The following LGSN variants were observed in gnomAD, a reference collection of about 807,000 sequenced individuals.
The protein encoded by LGSN is lengsin.
A neutral mutation model predicts 19.5 loss-of-function variants in LGSN; 21 were observed. The observed-to-expected ratio is 1.07, with a 90% CI of 0.76 to 1.55. The LOEUF (loss-of-function observed/expected upper bound fraction) is 1.55, where lower values mean the gene tolerates loss of function less well. Among genes scored for constraint, LGSN ranks in the 40% most tolerant of loss-of-function variants. LGSN has a pLI of 0.00. For synonymous variants in LGSN, 257 were observed against 215.6 expected (o/e 1.19, Z -1.68); for missense variants, 673 against 608.5 (o/e 1.11, Z -1.12).
At chr6:63,296,399 T>C (rs2127388710) in intron 1 of LGSN, among the ~76,000 whole-genome samples, 1 of 151,840 alleles carries the variant, frequency 6.6e-6, no homozygotes, top group Non-Finnish European at 1.5e-5. Context: ...TATAAAGCTT[T>C]ATTGTACATG....
At chr6:63,521,710 A>C in the LGSN span, 1 of 152,212 alleles carries the variant, frequency 6.6e-6, no homozygotes, top group East Asian at 1.9e-4. Flanking sequence ...ACTCATTAAC[A>C]GATAGACTTA....
At chr6:63,550,672 TG>T in the LGSN span, among the ~76,000 whole-genome samples, 2 of 152,170 alleles carry the variant, frequency 1.3e-5, no homozygotes, top group Non-Finnish European at 2.9e-5. Flanking sequence ...TTGCCCAGGC[TG>T]GAGTGCAGTG....
chr6:63,412,571 G>GAAAGAAAGAAAGAAAGAAAGA, the LGSN span, among the ~76,000 whole-genome samples: 1 of 62,818 alleles, frequency 1.6e-5, no homozygotes. Context: ...AGAAAGAAAG[G>GAAAGAAAGAAAGAAAGAAAGA]AAGGAAGGAA....
chr6:63,530,617 T>C, the LGSN span, among the ~76,000 whole-genome samples: 1 of 152,124 alleles, frequency 6.6e-6, no homozygotes, highest in Non-Finnish European at 1.5e-5. Flanking sequence ...ACTAGGGTCA[T>C]AGGGAATAAT....
the LGSN span, among the ~76,000 whole-genome samples, chr6:63,364,007 G>A: frequency 6.6e-6 from 1 of 152,152 alleles, no homozygotes; most frequent in African/African-American, 2.4e-5. Flanking sequence ...ATGCTAGGAA[G>A]AAACTGCATC....
chr6:63,412,603 G>A, the LGSN span, among the ~76,000 whole-genome samples: 48 of 140,818 alleles, frequency 3.4e-4, no homozygotes, highest in African/African-American at 1.3e-3. Flanking sequence ...AAGAAAGAGG[G>A]AAAGAAAGGG....
chr6:63,486,682 CTTT>C, the LGSN span, among the ~76,000 whole-genome samples: 1 of 115,850 alleles, frequency 8.6e-6, no homozygotes, highest in Non-Finnish European at 1.7e-5. Flanking sequence ...TTATTTTCTT[CTTT>C]TTTTTTTTTT....
chr6:63,534,452 AACACACACAC>A, the LGSN span, among the ~76,000 whole-genome samples: 712 of 144,506 alleles, frequency 4.9e-3, 7 homozygotes, highest in Non-Finnish European at 5.4e-3. Flanking sequence ...CACACAGAGA[AACACACACAC>A]ACACACACAC....
chr6:63,539,828 T>C, the LGSN span, among the ~76,000 whole-genome samples: 35 of 152,118 alleles, frequency 2.3e-4, no homozygotes, highest in East Asian at 6.4e-3. Flanking sequence ...ACTCAAAAGT[T>C]CAGCAAATGT....
the LGSN span, among the ~76,000 whole-genome samples, chr6:63,412,761 AAG>A: frequency 5.0e-5 from 1 of 20,052 alleles, no homozygotes; most frequent in East Asian, 1.1e-3. Flanking sequence ...GAAAGAAAGA[AAG>A]AAAGAAAGGA....
chr6:63,360,583 C>CT, the LGSN span, among the ~76,000 whole-genome samples: 7 of 152,172 alleles, frequency 4.6e-5, no homozygotes. Context: ...TTTTTAACTT[C>CT]TTTGCCATGG....
chr6:63,409,131 C>G, the LGSN span, among the ~76,000 whole-genome samples: 1 of 152,152 alleles, frequency 6.6e-6, no homozygotes, highest in African/African-American at 2.4e-5. Flanking sequence ...ATGCTCATCT[C>G]AGATTTCTGC....
the LGSN span, among the ~76,000 whole-genome samples, chr6:63,359,663 T>G: frequency 6.6e-6 from 1 of 152,248 alleles, no homozygotes; most frequent in Non-Finnish European, 1.5e-5. Context: ...TGTATTTCTG[T>G]GGGATCGATG....
the LGSN span, among the ~76,000 whole-genome samples, chr6:63,436,848 C>G: frequency 2.1e-4 from 31 of 150,942 alleles, no homozygotes; most frequent in Non-Finnish European, 4.6e-4. Flanking sequence ...CCAGCCTGAG[C>G]GAAATGGTGA....
At chr6:63,549,100 G>A in the LGSN span, 243 of 705,084 alleles carry the variant, frequency 3.4e-4, no homozygotes, top group African/African-American at 3.2e-3. Context: ...ACTCCTGCTC[G>A]AAGGACAGGT....
chr6:63,325,283 A>T, the LGSN span, among the ~76,000 whole-genome samples: 1 of 152,178 alleles, frequency 6.6e-6, no homozygotes, highest in Non-Finnish European at 1.5e-5. Flanking sequence ...AAACTAATAA[A>T]ATAATACAAA....
At chr6:63,515,268 G>A in the LGSN span, among the ~76,000 whole-genome samples, 1 of 152,084 alleles carries the variant, frequency 6.6e-6, no homozygotes, top group Non-Finnish European at 1.5e-5. Context: ...ATTTCGCTTT[G>A]TCACCCAGGC....
At chr6:63,448,266 C>T in the LGSN span, among the ~76,000 whole-genome samples, 903 of 152,236 alleles carry the variant, frequency 5.9e-3, 9 homozygotes, top group African/African-American at 0.02. Flanking sequence ...AAAAAAGGCT[C>T]ACCATGTACA....
chr6:63,489,069 A>AAAATTTTATCAATT, the LGSN span, among the ~76,000 whole-genome samples: 4 of 152,216 alleles, frequency 2.6e-5, no homozygotes, highest in African/African-American at 4.8e-5. Flanking sequence ...GCTAAGGATC[A>AAAATTTTATCAATT]TGATAAAAAA....
Sources: allele counts gnomAD v4.1 joint callset (sites outside exome capture counted in the v4.1 genomes callset), GRCh38; gene constraint gnomAD v4.1.1; transcripts MANE v1.5; gene names NCBI Gene and HGNC (gene_info 2026-07-23, HGNC 2026-07-21).